The following MBNL2 variants were observed in gnomAD, a reference collection of about 807,000 sequenced individuals.
The protein encoded by MBNL2 is muscleblind-like protein 2.
Under a neutral mutation model 41.9 loss-of-function variants are expected in MBNL2, and 17 were observed. The observed-to-expected ratio is 0.41, with a 90% confidence interval of 0.28 to 0.61. MBNL2 has a LOEUF of 0.61. Ranked by LOEUF, MBNL2 falls within the 20% of genes least tolerant of loss-of-function variation. The pLI, the probability that MBNL2 is intolerant of heterozygous loss-of-function variation, is 0.35. For missense variants in MBNL2, 336 were observed against 505.6 expected (o/e 0.66, Z 3.22); for synonymous variants, 195 against 182.9 (o/e 1.07, Z -0.53).
At chr13:97,361,416 G>C (rs1219292190) in intron 7 of MBNL2, among the ~76,000 whole-genome samples, 4 of 152,184 alleles carry the variant, frequency 2.6e-5, no homozygotes, top group Non-Finnish European at 5.9e-5. Context: ...AGTAGAGGAT[G>C]GGAGTGTTGT....
chr13:97,143,514 T>C, the MBNL2 span, among the ~76,000 whole-genome samples: 2 of 152,238 alleles, frequency 1.3e-5, no homozygotes, highest in Non-Finnish European at 1.5e-5. Context: ...ATGATAGGTT[T>C]GCTGGCTTCT....
intron 2 of MBNL2, among the ~76,000 whole-genome samples, chr13:97,287,407 A>G (rs2054688535): frequency 6.6e-6 from 1 of 152,184 alleles, no homozygotes; most frequent in Non-Finnish European, 1.5e-5. Context: ...GTTTAAACTG[A>G]CATATATTGT....
intron 2 of MBNL2, among the ~76,000 whole-genome samples, chr13:97,287,734 T>G (rs979164007): frequency 4.1e-5 from 6 of 145,432 alleles, no homozygotes; most frequent in Middle Eastern, 3.4e-3. Flanking sequence ...TTTTTTTTTT[T>G]TTTTTTTTGA....
intron 7 of MBNL2, among the ~76,000 whole-genome samples, chr13:97,360,572 T>G (rs1423514056): frequency 6.6e-6 from 1 of 152,252 alleles, no homozygotes; most frequent in African/African-American, 2.4e-5. Context: ...ACTGTAAGTG[T>G]TCTTATAGAC....
At chr13:97,304,170 A>G (rs1439814927) in intron 2 of MBNL2, among the ~76,000 whole-genome samples, 1 of 152,214 alleles carries the variant, frequency 6.6e-6, no homozygotes, top group African/African-American at 2.4e-5. Flanking sequence ...AATAGAGGGG[A>G]CAGGAATTTG....
Position 97,284,374 on chromosome 13 carries a change from C to T in MBNL2, c.174+7965C>T, listed in dbSNP as rs552599237. The stretch of plus-strand genomic sequence containing the variant: ...TGTTCCTTGGCTCATGGCAGCATCA[C>T]TCCAATCTCTACCTGCCTCTTCAGA... On this transcript the variant is annotated intron_variant, in intron 2 of 8. Coordinates refer to ENST00000679496, the MANE Select transcript of MBNL2 (RefSeq NM_001382683.1). 1.5e-4 allele frequency among the ~76,000 whole-genome samples: 23 copies of T among 152,284 alleles called. No homozygotes were observed. In the South Asian group the frequency reaches 4.6e-3, roughly 30 times the overall value.
chr13:97,212,045 G>C, the MBNL2 span, among the ~76,000 whole-genome samples: 48 of 152,152 alleles, frequency 3.2e-4, no homozygotes, highest in South Asian at 2.1e-4. Flanking sequence ...AGAGGGAAGA[G>C]AGTGAGGAAA....
intron 1 of MBNL2, among the ~76,000 whole-genome samples, chr13:97,260,137 A>T (rs1232949700): frequency 6.6e-6 from 1 of 152,194 alleles, no homozygotes; most frequent in African/African-American, 2.4e-5. Flanking sequence ...ATGCAATATT[A>T]CATCAGGAAA....
intron 8 of MBNL2, among the ~76,000 whole-genome samples, chr13:97,369,328 A>T (rs1005584518): frequency 4.6e-5 from 7 of 152,220 alleles, no homozygotes; most frequent in African/African-American, 1.7e-4. Context: ...TTGTGAAAGG[A>T]GGAGTAGAAC....
chr13:97,372,480 T>C (rs949360988), intron 8 of MBNL2, among the ~76,000 whole-genome samples: 1 of 152,092 alleles, frequency 6.6e-6, no homozygotes, highest in African/African-American at 2.4e-5. Context: ...TAATTGGCCT[T>C]AGGAAGGCCT....
chr13:97,278,924 G>A (rs1454821912), intron 2 of MBNL2, among the ~76,000 whole-genome samples: 1 of 152,202 alleles, frequency 6.6e-6, no homozygotes, highest in East Asian at 1.9e-4. Context: ...AGCCTTGGGT[G>A]TGTCATTTAT....
At chr13:97,182,755 C>T in the MBNL2 span, among the ~76,000 whole-genome samples, 7 of 152,246 alleles carry the variant, frequency 4.6e-5, no homozygotes, top group South Asian at 2.1e-4. Flanking sequence ...TAAGGGCACA[C>T]GTAGATTTTT....
intron 2 of MBNL2, among the ~76,000 whole-genome samples, chr13:97,328,280 G>A (rs2060084006): frequency 6.6e-6 from 1 of 150,838 alleles, no homozygotes. Context: ...TTGACCTCGG[G>A]ATTTCACCAA....
chr13:97,290,407 T>C (rs1200643132), intron 2 of MBNL2, among the ~76,000 whole-genome samples: 1 of 151,224 alleles, frequency 6.6e-6, no homozygotes, highest in Non-Finnish European at 1.5e-5. Context: ...CCGGGCGCGG[T>C]GGCTCACGCC....
At chr13:97,211,592 C>A in the MBNL2 span, among the ~76,000 whole-genome samples, 1 of 152,156 alleles carries the variant, frequency 6.6e-6, no homozygotes, top group Non-Finnish European at 1.5e-5. Flanking sequence ...AATGCAGTGA[C>A]ATGAGACCAA....
chr13:97,213,409 C>G, the MBNL2 span, among the ~76,000 whole-genome samples: 1 of 152,082 alleles, frequency 6.6e-6, no homozygotes, highest in Non-Finnish European at 1.5e-5. Context: ...AAAAGAGCCT[C>G]TGGTAAAATT....
At chr13:97,299,648 ATATCTATCTATCTATCTATC>A (rs59785563) in intron 2 of MBNL2, among the ~76,000 whole-genome samples, 3 of 149,250 alleles carry the variant, frequency 2.0e-5, no homozygotes, top group African/African-American at 7.4e-5. Flanking sequence ...TAGAATTACT[ATATCTATCTATCTATCTATC>A]TATCTATCTA....
In MBNL2 at chr13:97,334,139, C is replaced by G. The variant is rs987889205; in HGVS notation, c.175-137C>G. On this transcript the variant is annotated intron_variant, in intron 2 of 8. Transcript: ENST00000679496. The surrounding 1 kb of genome is among the most constrained non-coding windows in gnomAD (Gnocchi z 5.3). The stretch of plus-strand genomic sequence containing the variant: ...TCCCCAACAAACACATGAGCATGCG[C>G]GCGCACACCCACACACACACACACA... The G allele has an allele frequency of 1.8e-6, 1 of 568,462 alleles. No homozygotes were observed. The highest frequency in any genetic ancestry group is 3.3e-5 in the East Asian group (1 of 30,716). The allele number at this position is 568,462 out of a possible 1,614,324, so 35.2% of individuals were successfully genotyped here.
At chr13:97,189,950 C>T in the MBNL2 span, among the ~76,000 whole-genome samples, 27 of 152,294 alleles carry the variant, frequency 1.8e-4, no homozygotes, top group East Asian at 2.3e-3. Flanking sequence ...ATTACAACGA[C>T]GAGGGAGAAA....
Sources: allele counts gnomAD v4.1 joint callset (sites outside exome capture counted in the v4.1 genomes callset), GRCh38; gene constraint gnomAD v4.1.1; non-coding constraint Gnocchi (gnomAD v3.1); transcripts MANE v1.5; gene names NCBI Gene and HGNC (gene_info 2026-07-23, HGNC 2026-07-21).